Variants in ABCA13 observed in about 807,000 individuals in gnomAD.
The protein encoded by ABCA13 is ATP-binding cassette sub-family A member 13.
A neutral mutation model predicts 478.7 loss-of-function variants in ABCA13; 476 were observed. The ratio of observed to expected loss-of-function variants is 0.99; its 90% confidence interval spans 0.92 to 1.07. ABCA13 has a LOEUF of 1.07. Among genes scored for constraint, ABCA13 ranks in the 50% least tolerant of loss-of-function variants. The probability of loss-of-function intolerance (pLI) is 0.00; values close to 1 mark genes in which losing one functional copy is unlikely to be tolerated. For synonymous variants in ABCA13, 2,252 were observed against 2,158.9 expected, an observed-to-expected ratio of 1.04 and a Z score of -1.20; for missense variants, 6,060 against 5,910.6, an observed-to-expected ratio of 1.03 and a Z score of -0.83.
rs146902004 is a variant in ABCA13, at chr7:48,491,947, G to A, written c.13291+2603G>A. 7.8e-4 allele frequency among the ~76,000 whole-genome samples: 118 copies of A among 152,148 alleles called. 2 individuals carry two copies. The highest frequency in any genetic ancestry group is 1.3e-3 in the Non-Finnish European group (88 of 68,038). ...CAGTCGCACAGCACCAGGCTCAGGG[G>A]ACATTCAGGCTATAACAAGTGAATG... On this transcript the variant is annotated intron_variant, in intron 48 of 61. Coordinates refer to ENST00000435803, the MANE Select transcript of ABCA13 (RefSeq NM_152701.5).
At chr7:48,431,350 ACAAC>A (rs1472631009) in intron 42 of ABCA13, among the ~76,000 whole-genome samples, 1 of 146,272 alleles carries the variant, frequency 6.8e-6, no homozygotes, top group African/African-American at 2.6e-5. Flanking sequence ...TCAAACAACA[ACAAC>A]AACAACAACA....
intron 42 of ABCA13, among the ~76,000 whole-genome samples, chr7:48,430,649 G>C (rs1392427337): frequency 6.7e-6 from 1 of 149,296 alleles, no homozygotes; most frequent in Admixed American, 6.7e-5. Flanking sequence ...ACTCTACCCT[G>C]GGCGACAGAG....
intron 37 of ABCA13, 38 bp downstream of exon 37, chr7:48,389,258 T>G (rs1355988066): frequency 1.3e-6 from 2 of 1,571,704 alleles, no homozygotes; most frequent in African/African-American, 2.7e-5. Flanking sequence ...ACTGGGCATT[T>G]GATTCTTAAA....
At chr7:48,356,462 CG>C (rs980572649) in intron 31 of ABCA13, among the ~76,000 whole-genome samples, 1 of 149,938 alleles carries the variant, frequency 6.7e-6, no homozygotes, top group South Asian at 2.1e-4. Context: ...AGTGTATAAA[CG>C]GGGGGGACAG....
intron 5 of ABCA13, among the ~76,000 whole-genome samples, chr7:48,225,131 GCCTGCCTTCCTT>G (rs1461100383): frequency 2.8e-3 from 300 of 106,658 alleles, no homozygotes; most frequent in African/African-American, 7.3e-3. Context: ...CTGCCTGCCT[GCCTGCCTTCCTT>G]CCTTCCTTCC....
In ABCA13 at chr7:48,594,703, C is replaced by T. The variant is rs753765205; in HGVS notation, c.14641-7C>T. 6.2e-7 allele frequency: 1 copy of T among 1,612,704 alleles called. No individual in the cohort carries two copies. The highest frequency in any genetic ancestry group is 1.7e-5 in the Admixed American group (1 of 60,022). On this transcript the variant is annotated splice_region_variant and splice_polypyrimidine_tract_variant and intron_variant, in intron 57 of 61. Coordinates refer to ENST00000435803, the MANE Select transcript of ABCA13 (RefSeq NM_152701.5). ...ATGCTGATTACTCTGTGTTGCCTTT[C>T]CTTCAGGATGAGCCCAGCTCTGGGA...
intron 31 of ABCA13, among the ~76,000 whole-genome samples, chr7:48,358,155 G>T (rs1201178346): frequency 1.5e-5 from 2 of 133,424 alleles, no homozygotes; most frequent in Non-Finnish European, 3.2e-5. Context: ...GAAAAGAAAA[G>T]AAAAAAAAGA....
chr7:48,564,069 C>T lies in ABCA13; in HGVS notation c.14355-16155C>T, dbSNP rs111679727. The stretch of plus-strand genomic sequence containing the variant: ...AAATAGATCTCCTTTCATCTTTTTC[C>T]CTCTAGCTTTTTTCTTTTGGGAAAG... On this transcript the variant is annotated intron_variant, in intron 55 of 61. Transcript: ENST00000435803. 1.7e-3 allele frequency among the ~76,000 whole-genome samples: 265 copies of T among 151,638 alleles called. 1 individual carries two copies. Among genetic ancestry groups the T allele is most frequent in the African/African-American group, 5.9e-3 (244 of 41,168 alleles).
intron 15 of ABCA13, among the ~76,000 whole-genome samples, chr7:48,255,800 A>G (rs1187801956): frequency 6.6e-6 from 1 of 152,174 alleles, no homozygotes; most frequent in African/African-American, 2.4e-5. Flanking sequence ...TGGTACAATG[A>G]TATACATTCC....
At chr7:48,390,266 T>C (rs1277306566) in intron 37 of ABCA13, among the ~76,000 whole-genome samples, 1 of 152,218 alleles carries the variant, frequency 6.6e-6, no homozygotes, top group Admixed American at 6.5e-5. Context: ...TTGCTTTTAG[T>C]GTACATTTGT....
intron 55 of ABCA13, among the ~76,000 whole-genome samples, chr7:48,560,943 C>T (rs1233078432): frequency 6.6e-6 from 1 of 152,084 alleles, no homozygotes; most frequent in Admixed American, 6.6e-5. Flanking sequence ...ATGTTAGTGA[C>T]AATATGTGGT....
chr7:48,274,417 G>C lies in ABCA13; in HGVS notation c.4751G>C (p.Ser1584Thr), dbSNP rs368417412. The change falls in exon 17 of 62, where the codon AGT becomes ACT. Residue 1584 changes from serine to threonine, a missense_variant. Ser to Thr is a moderately conservative substitution (Grantham distance 58). This residue lies in a region of ABCA13 where 4,423 missense variants were observed against 4,309.1 expected (regional missense o/e 1.03). Coordinates refer to ENST00000435803, the MANE Select transcript of ABCA13 (RefSeq NM_152701.5). ...AACTTGTTAAACATATTTGCCACCA[G>C]TCCAAAAGAAAAGGATGTAAACAGT... Reference protein sequence around the residue: ...TENLLNIFATSPKEKDVNSVG... With the variant: ...TENLLNIFATTPKEKDVNSVG... 8.7e-6 allele frequency: 14 copies of C among 1,612,820 alleles called. No homozygotes were observed. In the African/African-American group the frequency reaches 1.2e-4, roughly 14 times the overall value.
intron 45 of ABCA13, among the ~76,000 whole-genome samples, chr7:48,480,582 G>T (rs1238326868): frequency 6.6e-6 from 1 of 152,196 alleles, no homozygotes; most frequent in Non-Finnish European, 1.5e-5. Context: ...ATGATGCAGA[G>T]CTGGTGTTGG....
Position 48,528,259 on chromosome 7 carries a change from T to C in ABCA13, c.14268T>C (p.Asn4756=). Residue 4756 remains asparagine (N), a synonymous_variant, in exon 55 of 62, where the codon AAT becomes AAC. Transcript: ENST00000435803. Reference sequence around the variant, plus strand: ...AGTGCTTTGGACTTCTAGGGGTGAATGGAGCTGGGAAGAGCACGACTTTCA... The same window carrying C: ...AGTGCTTTGGACTTCTAGGGGTGAACGGAGCTGGGAAGAGCACGACTTTCA... ...KGECFGLLGV[N]GAGKSTTFKM... The C allele has an allele frequency of 6.3e-7, 1 of 1,577,362 alleles. No homozygotes were observed. The highest frequency in any genetic ancestry group is 8.6e-7 in the Non-Finnish European group (1 of 1,160,184).
intron 60 of ABCA13, 77 bp from the exon 61 acceptor site, chr7:48,644,540 A>G (rs986643326): frequency 3.4e-6 from 5 of 1,462,176 alleles, no homozygotes; most frequent in Non-Finnish European, 4.6e-6. Flanking sequence ...TTTTTTGCCA[A>G]TTAAATGTAG....
chr7:48,520,555 A>T (rs58707711), intron 53 of ABCA13, among the ~76,000 whole-genome samples: 10,066 of 152,036 alleles, frequency 0.066, 476 homozygotes, highest in African/African-American at 0.14. Context: ...TCTTTTTTTA[A>T]AATTTTTTTT....
chr7:48,606,072 A>G (rs956154049), intron 58 of ABCA13, among the ~76,000 whole-genome samples: 3 of 152,086 alleles, frequency 2.0e-5, no homozygotes, highest in Non-Finnish European at 4.4e-5. Context: ...CAGGTCATTT[A>G]TATTCTTCTC....
Position 48,279,200 on chromosome 7 carries a change from A to G in ABCA13, c.8006A>G (p.Asp2669Gly). 1 of 1,596,606 alleles carries G rather than the reference A, an allele frequency of 6.3e-7. No homozygotes were observed. The highest frequency in any genetic ancestry group is 1.7e-5 in the Admixed American group (1 of 57,392). ...FNNETQTFSM[D>G]SVNLREEILG... ...AATGAGACTCAAACATTTTCTATGG[A>G]TTCTGTCAACTTACGGGAAGAAATT... The change falls in exon 18 of 62, where the codon GAT (aspartate) becomes GGT (glycine). Residue 2669 changes from aspartate (D) to glycine (G), a missense_variant. Around this residue, in one of 3 missense-constraint regions of ABCA13, gnomAD observed 4,423 missense variants for 4,309.1 expected, o/e 1.03. Transcript: ENST00000435803.
At chr7:48,421,205 T>G (rs1383108257) in intron 41 of ABCA13, among the ~76,000 whole-genome samples, 2 of 152,180 alleles carry the variant, frequency 1.3e-5, no homozygotes, top group African/African-American at 4.8e-5. Flanking sequence ...CTCTCTCTTT[T>G]TTTTTTTGAG....
Sources: allele counts gnomAD v4.1 joint callset (sites outside exome capture counted in the v4.1 genomes callset), GRCh38; gene constraint gnomAD v4.1.1; regional missense constraint gnomAD v4.1.1; transcripts MANE v1.5; gene names NCBI Gene and HGNC (gene_info 2026-07-23, HGNC 2026-07-21).